MDFI: variants seen among roughly 807,000 people sequenced by gnomAD.
The protein encoded by MDFI is inhibitor of MyoD family a.
Under a neutral mutation model 22.3 loss-of-function variants are expected in MDFI, and 16 were observed. That is an observed-to-expected ratio of 0.72 (90% CI 0.49 to 1.09). MDFI has a LOEUF of 1.09. Among genes scored for constraint, MDFI ranks in the 50% least tolerant of loss-of-function variants. The pLI is 0.00. For synonymous variants in MDFI, 145 were observed against 142.7 expected (o/e 1.02, Z -0.12); for missense variants, 314 against 326.1 (o/e 0.96, Z 0.29).
In MDFI at chr6:41,638,606, C is replaced by T; in HGVS notation, c.-58C>T. ...CCCGGAGCAGGCGCGCATGGCGGGC[C>T]CCGCGCGGGGATCCGGCTGGAAGAG... is the stretch of plus-strand genomic sequence containing the variant. On this transcript the variant is annotated 5_prime_UTR_variant, in exon 1 of 5. Coordinates refer to ENST00000230321, the MANE Select transcript of MDFI (RefSeq NM_005586.4). The surrounding 1 kb of genome is among the most constrained non-coding windows in gnomAD (Gnocchi z 7.6). 1.0e-6 allele frequency: 1 copy of T among 998,730 alleles called. No homozygotes were observed. The highest frequency in any genetic ancestry group is 2.8e-5 in the Admixed American group (1 of 35,514). 61.9% of individuals were successfully genotyped at this position (998,730 alleles called of 1,614,324 possible). A position where few individuals can be genotyped will look rare whatever the true frequency, so the allele number is the denominator to read the frequency against.
At chr6:41,640,446 G>T (rs1325127881) in intron 2 of MDFI, among the ~76,000 whole-genome samples, 1 of 152,110 alleles carries the variant, frequency 6.6e-6, no homozygotes, top group African/African-American at 2.4e-5. Context: ...AGGCCCCCCA[G>T]CACCCCAGCA....
chr6:41,648,986 C>T (rs896094249), intron 3 of MDFI, among the ~76,000 whole-genome samples: 7 of 152,158 alleles, frequency 4.6e-5, no homozygotes, highest in African/African-American at 1.7e-4. Flanking sequence ...CTCTCCCAGA[C>T]CCCTCTGCCA....
At chr6:41,645,350 C>A (rs888349158) in intron 2 of MDFI, among the ~76,000 whole-genome samples, 13 of 152,024 alleles carry the variant, frequency 8.6e-5, no homozygotes, top group African/African-American at 3.1e-4. Context: ...AAGGTGGCTC[C>A]ATTTCTGCCT....
At position 41,639,120 on chromosome 6, in the gene MDFI, C is replaced by T; in HGVS notation, c.76+295C>T. On this transcript the variant is annotated intron_variant, in intron 2 of 4. Transcript: ENST00000230321. The stretch of plus-strand genomic sequence containing the variant: ...CACAAACACACACACATACACTCCG[C>T]GGTGTCTGTCCGTCTGGGATTTGTG... 3 of 555,058 alleles carry T rather than the reference C, an allele frequency of 5.4e-6. 1 individual carries two copies. The South Asian group carries it at 2.4e-4, about 44-fold the overall frequency. 34.4% of individuals were successfully genotyped at this position (555,058 alleles called of 1,614,324 possible).
In MDFI at chr6:41,639,604, A is replaced by C. The variant is rs1767774613; in HGVS notation, c.76+779A>C. 3.0e-6 allele frequency: 3 copies of C among 985,238 alleles called. No individual in the cohort carries two copies. The South Asian group carries it at 1.4e-4, about 46-fold the overall frequency. 61.0% of individuals were successfully genotyped at this position (985,238 alleles called of 1,614,324 possible). On this transcript the variant is annotated intron_variant, in intron 2 of 4. Coordinates refer to ENST00000230321, the MANE Select transcript of MDFI (RefSeq NM_005586.4). ...TGCCTAAGCCGAAGCTCCCAAATGG[A>C]AGTCCGGGTCAAGGAGAAGTCAGGA... is the stretch of plus-strand genomic sequence containing the variant.
intron 3 of MDFI, 70 bp downstream of exon 3, chr6:41,646,378 G>A (rs1446719405): frequency 7.6e-7 from 1 of 1,323,268 alleles, no homozygotes; most frequent in Non-Finnish European, 9.8e-7. Flanking sequence ...AACCCAAATG[G>A]GTCGGCAAAA....
At position 41,640,060 on chromosome 6, in the gene MDFI, G is replaced by C. The variant is rs548080077; in HGVS notation, c.76+1235G>C. ...TTGGCCAAGCCTCAAATTGCCTGCTGTCTCTGTGGGGCCCCTGCAACGGGG... is the reference window on the plus strand; with the variant it reads ...TTGGCCAAGCCTCAAATTGCCTGCTCTCTCTGTGGGGCCCCTGCAACGGGG... On this transcript the variant is annotated intron_variant, in intron 2 of 4. Transcript: ENST00000230321. The C allele has an allele frequency of 6.6e-5, 36 of 545,324 alleles. No individual in the cohort carries two copies. The South Asian group carries it at 1.9e-3, about 29-fold the overall frequency. 33.8% of individuals were successfully genotyped at this position (545,324 alleles called of 1,614,324 possible).
At chr6:41,639,916 A>G (rs1308051641) in intron 2 of MDFI, 1 of 985,126 alleles carries the variant, frequency 1.0e-6, no homozygotes, top group Non-Finnish European at 1.2e-6. Context: ...CTCCCCACCT[A>G]CTTGGTATGG....
At chr6:41,645,432 G>T (rs143841342) in intron 2 of MDFI, among the ~76,000 whole-genome samples, 1 of 151,928 alleles carries the variant, frequency 6.6e-6, no homozygotes, top group East Asian at 1.9e-4. Flanking sequence ...TGCTCCGGCC[G>T]GCTCCTTGTC....
chr6:41,649,237 C>G (rs1237138313), intron 3 of MDFI, among the ~76,000 whole-genome samples: 2 of 152,236 alleles, frequency 1.3e-5, no homozygotes, highest in East Asian at 3.8e-4. Context: ...CGCTCCCAAC[C>G]CCAGCCAAAC....
intron 2 of MDFI, among the ~76,000 whole-genome samples, chr6:41,642,319 C>T (rs995180680): frequency 6.6e-5 from 10 of 152,180 alleles, no homozygotes; most frequent in South Asian, 2.1e-4. Context: ...CACATCCACA[C>T]GGGGGGCCTC....
chr6:41,641,142 C>T (rs1767839086), intron 2 of MDFI, among the ~76,000 whole-genome samples: 1 of 152,168 alleles, frequency 6.6e-6, no homozygotes, highest in Non-Finnish European at 1.5e-5. Context: ...TTCTCTTTCT[C>T]CTTCCCCTGA....
chr6:41,644,539 C>A (rs991323892), intron 2 of MDFI, among the ~76,000 whole-genome samples: 6 of 122,088 alleles, frequency 4.9e-5, no homozygotes, highest in Admixed American at 2.3e-4. Context: ...ATGAGGGTCA[C>A]TGAGGGTCAT....
chr6:41,640,041 A>G (rs1049606077), intron 2 of MDFI: 5 of 663,208 alleles, frequency 7.5e-6, no homozygotes, highest in African/African-American at 5.9e-5. Context: ...CATCTTGGCC[A>G]AGCCTCAAAT....
rs534242139 is a variant in MDFI at position 41,643,998 on chromosome 6, C to T, written c.77-2128C>T. ...CAAGGTGCCTCTGGGGGCCAGGGTC[C>T]GGAGCTAGGCAGGCCCCTGGTTTCC... is the stretch of plus-strand genomic sequence containing the variant. On this transcript the variant is annotated intron_variant, in intron 2 of 4. Coordinates refer to ENST00000230321, the MANE Select transcript of MDFI (RefSeq NM_005586.4). Among the ~76,000 whole-genome samples the T allele has an allele frequency of 8.5e-5, 13 of 152,196 alleles. 1 individual carries two copies. The South Asian group carries it at 1.9e-3, about 22-fold the overall frequency.
intron 4 of MDFI, among the ~76,000 whole-genome samples, chr6:41,650,728 C>G (rs769625220): frequency 1.3e-5 from 2 of 151,994 alleles, no homozygotes; most frequent in Non-Finnish European, 2.9e-5. Context: ...CGCGTCCCAC[C>G]ACGCCCAGCT....
chr6:41,642,417 T>A (rs539137246), intron 2 of MDFI, among the ~76,000 whole-genome samples: 1 of 152,330 alleles, frequency 6.6e-6, no homozygotes, highest in Middle Eastern at 3.4e-3. Context: ...TTCTCCCCTC[T>A]GTGGCTGGAC....
In MDFI at chr6:41,653,874, G is replaced by T; in HGVS notation, c.*299G>T. On this transcript the variant is annotated 3_prime_UTR_variant, in exon 5 of 5. Coordinates refer to ENST00000230321, the MANE Select transcript of MDFI (RefSeq NM_005586.4). This position sits in a 1 kb window ranked among gnomAD's most constrained non-coding sequence, Gnocchi z 4.2. ...AGGACAACCTAGGGGCAGGGCTGGG[G>T]TGGGGACCGCAGGGGGCAGCCAGGG... 1 of 467,844 alleles carries T rather than the reference G, an allele frequency of 2.1e-6. No homozygotes were observed. Among genetic ancestry groups the T allele is most frequent in the African/African-American group, 2.0e-5 (1 of 51,262 alleles). 29.0% of individuals were successfully genotyped at this position (467,844 alleles called of 1,614,324 possible). A position where few individuals can be genotyped will look rare whatever the true frequency, so the allele number is the denominator to read the frequency against.
chr6:41,647,899 C>T (rs1019991890), intron 3 of MDFI, among the ~76,000 whole-genome samples: 3 of 151,764 alleles, frequency 2.0e-5, no homozygotes, highest in South Asian at 2.1e-4. Flanking sequence ...AAAAATTAGC[C>T]GGGCGTGGTG....
Sources: allele counts gnomAD v4.1 joint callset (sites outside exome capture counted in the v4.1 genomes callset), GRCh38; gene constraint gnomAD v4.1.1; non-coding constraint Gnocchi (gnomAD v3.1); transcripts MANE v1.5; gene names NCBI Gene and HGNC (gene_info 2026-07-23, HGNC 2026-07-21).